NUP54: variants seen among roughly 807,000 people sequenced by gnomAD.
NUP54 encodes the protein nucleoporin 54.
In NUP54, 27 loss-of-function variants were observed where a neutral mutation model predicts 66.4. The ratio of observed to expected loss-of-function variants is 0.41; its 90% CI spans 0.30 to 0.56. The LOEUF is 0.56. Ranked by LOEUF, NUP54 falls within the 20% of genes least tolerant of loss-of-function variation. The pLI, the probability that NUP54 is intolerant of heterozygous loss-of-function variation, is 0.34. For missense variants in NUP54, 486 were observed against 596.3 expected (o/e 0.82, Z 1.93); for synonymous variants, 206 against 210.7 (o/e 0.98, Z 0.19).
intron 8 of NUP54, among the ~76,000 whole-genome samples, chr4:76,125,118 C>T (rs957802706): frequency 3.3e-5 from 5 of 150,476 alleles, no homozygotes; most frequent in East Asian, 2.0e-4. Context: ...AGTGAAACCC[C>T]GTCTCTACTA....
At chr4:76,120,490 C>T (rs1323071658) in intron 9 of NUP54, among the ~76,000 whole-genome samples, 1 of 148,706 alleles carries the variant, frequency 6.7e-6, no homozygotes, top group South Asian at 2.1e-4. Flanking sequence ...AGTGCAGTGC[C>T]GTGATCTTGG....
intron 8 of NUP54, 120 bp from the exon 9 acceptor site, chr4:76,124,876 A>T: frequency 2.0e-6 from 1 of 510,882 alleles, no homozygotes; most frequent in Non-Finnish European, 3.4e-6. Flanking sequence ...CAAAATATAA[A>T]CTCTTTCCCT....
intron 6 of NUP54, among the ~76,000 whole-genome samples, chr4:76,131,682 T>C (rs199606958): frequency 6.6e-6 from 1 of 151,806 alleles, no homozygotes; most frequent in Non-Finnish European, 1.5e-5. Context: ...CCAGAAAAAA[T>C]AACATTCCTG....
At chr4:76,131,116 G>A (rs1162521402) in intron 7 of NUP54, 114 bp downstream of exon 7, 5 of 738,004 alleles carry the variant, frequency 6.8e-6, no homozygotes, top group Non-Finnish European at 1.2e-5. Flanking sequence ...TAAAGGCCAG[G>A]AAAATGAAAA....
chr4:76,119,514 T>C (rs1730129954), intron 9 of NUP54, among the ~76,000 whole-genome samples: 1 of 150,418 alleles, frequency 6.6e-6, no homozygotes, highest in East Asian at 2.0e-4. Flanking sequence ...TTACAGGTGC[T>C]CACCACCATG....
chr4:76,136,538 A>ATCT (rs1731047110), intron 3 of NUP54, 126 bp from the exon 4 acceptor site: 1 of 652,244 alleles, frequency 1.5e-6, no homozygotes, highest in Non-Finnish European at 2.6e-6. Context: ...CAGAACCTAT[A>ATCT]AATATGTTAT....
intron 1 of NUP54, among the ~76,000 whole-genome samples, chr4:76,145,089 G>C (rs79720682): frequency 0.13 from 19,698 of 151,454 alleles, 1,482 homozygotes; most frequent in East Asian, 0.34. Flanking sequence ...GAGGCCGAGG[G>C]GGGTGGATCA....
chr4:76,132,488 C>CT (rs747139193), intron 6 of NUP54, 35 bp downstream of exon 6: 368 of 1,464,616 alleles, frequency 2.5e-4, no homozygotes, highest in South Asian at 8.1e-4. Context: ...CTAAATCTTT[C>CT]TTTTTTTTTG....
At chr4:76,132,772 C>A in intron 5 of NUP54, 53 bp from the exon 6 acceptor site, 3 of 1,312,206 alleles carry the variant, frequency 2.3e-6, no homozygotes, top group Non-Finnish European at 2.1e-6. Flanking sequence ...CTCATAGCGA[C>A]AAACCTCAGC....
Position 76,115,293 on chromosome 4 carries a change from G to A in NUP54, c.*73C>T. On this transcript the variant is annotated 3_prime_UTR_variant, in exon 12 of 12. Transcript: ENST00000264883. Reference sequence around the variant, plus strand: ...TTTTCTTTTTCCCTCCATGTGGTCGGTTTCATTCTTAAGGAAGGTCTGATG... The same window carrying A: ...TTTTCTTTTTCCCTCCATGTGGTCGATTTCATTCTTAAGGAAGGTCTGATG... 1.5e-6 allele frequency: 2 copies of A among 1,339,882 alleles called. No individual in the cohort carries two copies. The highest frequency in any genetic ancestry group is 2.7e-5 in the East Asian group (1 of 36,820). The allele number at this position is 1,339,882 out of a possible 1,614,324, so 83.0% of individuals were successfully genotyped here. A position where few individuals can be genotyped will look rare whatever the true frequency, so the allele number is the denominator to read the frequency against.
intron 3 of NUP54, among the ~76,000 whole-genome samples, chr4:76,137,602 T>C (rs537358368): frequency 1.3e-5 from 2 of 152,216 alleles, no homozygotes; most frequent in South Asian, 2.1e-4. Flanking sequence ...ATCAGTATTC[T>C]AGGCTAAAAC....
At chr4:76,142,926 GAGAA>G (rs769096282) in intron 3 of NUP54, among the ~76,000 whole-genome samples, 15 of 152,202 alleles carry the variant, frequency 9.9e-5, no homozygotes, top group Non-Finnish European at 2.2e-4. Flanking sequence ...CAGTAATAAA[GAGAA>G]AGAATCAACC....
chr4:76,115,598 G>A, intron 11 of NUP54, 104 bp from the exon 12 acceptor site: 2 of 774,322 alleles, frequency 2.6e-6, no homozygotes, highest in Admixed American at 3.6e-5. Context: ...TAGCAACACA[G>A]TACCTAGTAA....
chr4:76,115,587 C>A, intron 11 of NUP54, 93 bp from the exon 12 acceptor site: 1 of 944,858 alleles, frequency 1.1e-6, no homozygotes, highest in Non-Finnish European at 1.5e-6. Context: ...GACTATTTTA[C>A]TAGCAACACA....
intron 9 of NUP54, among the ~76,000 whole-genome samples, chr4:76,121,041 A>C (rs1424572866): frequency 6.6e-6 from 1 of 152,144 alleles, no homozygotes; most frequent in Non-Finnish European, 1.5e-5. Flanking sequence ...GTTGGTTTAT[A>C]GTTTCTAGCT....
chr4:76,132,916 T>C (rs1393035941), intron 5 of NUP54, among the ~76,000 whole-genome samples, 197 bp from the exon 6 acceptor site: 1 of 150,978 alleles, frequency 6.6e-6, no homozygotes, highest in Non-Finnish European at 1.5e-5. Flanking sequence ...AGTGCAGTGG[T>C]ATCATCACTG....
At chr4:76,125,173 C>A (rs913743796) in intron 8 of NUP54, among the ~76,000 whole-genome samples, 3 of 152,054 alleles carry the variant, frequency 2.0e-5, no homozygotes, top group Non-Finnish European at 4.4e-5. Flanking sequence ...CACCTGTAAT[C>A]CCAGCTACTT....
chr4:76,139,358 A>C (rs1731167702), intron 3 of NUP54, among the ~76,000 whole-genome samples: 1 of 152,220 alleles, frequency 6.6e-6, no homozygotes, highest in Non-Finnish European at 1.5e-5. Flanking sequence ...CCACTTGCAA[A>C]ATGTTCTTAC....
At chr4:76,130,105 C>T (rs1382409163) in intron 8 of NUP54, among the ~76,000 whole-genome samples, 1 of 147,882 alleles carries the variant, frequency 6.8e-6, no homozygotes, top group Admixed American at 6.9e-5. Context: ...CTCAGCCTCC[C>T]AAGTTGCTGG....
Sources: allele counts gnomAD v4.1 joint callset (sites outside exome capture counted in the v4.1 genomes callset), GRCh38; gene constraint gnomAD v4.1.1; transcripts MANE v1.5; gene names NCBI Gene and HGNC (gene_info 2026-07-23, HGNC 2026-07-21).